HYDIN: variants seen among roughly 807,000 people sequenced by gnomAD.
The protein encoded by HYDIN is HYDIN axonemal central pair apparatus protein, also known as axonemal central pair apparatus protein HYDIN.
In HYDIN, 132 loss-of-function variants were observed where a neutral mutation model predicts 403.9. The ratio of observed to expected loss-of-function variants is 0.33; its 90% confidence interval spans 0.28 to 0.38. The LOEUF (loss-of-function observed/expected upper bound fraction) is 0.38. Among genes scored for constraint, HYDIN ranks in the 10% least tolerant of loss-of-function variants. HYDIN has a pLI of 1.00. For synonymous variants in HYDIN, 1,202 were observed against 1,891.7 expected, an observed-to-expected ratio of 0.64 and a Z score of 9.46; for missense variants, 2,827 against 5,009.5, an observed-to-expected ratio of 0.56 and a Z score of 13.15.
rs1242112999 is a variant in HYDIN at position 70,832,859 on chromosome 16, C to T, written c.13888G>A (p.Ala4630Thr). The T allele has an allele frequency of 3.7e-6, 6 of 1,605,144 alleles. No individual in the cohort carries two copies. In the East Asian group the frequency reaches 1.1e-4, roughly 30 times the overall value. The change falls in exon 80 of 86, where the codon GCG becomes ACG. Residue 4630 changes from alanine (A) to threonine (T), a missense_variant. Ala to Thr is a moderately conservative substitution (Grantham distance 58). Coordinates refer to ENST00000393567, the MANE Select transcript of HYDIN (RefSeq NM_001270974.2). ...TLSGVCVGPPAVKEVVNFTCQ... is the reference protein window; with the variant it reads ...TLSGVCVGPPTVKEVVNFTCQ... ...CAGCAGCTACTAACCTCTTTTACCG[C>T]AGGTGGTCCCACGCAGACTCCAGAC...
At chr16:70,909,968 A>G (rs1366550981) in intron 47 of HYDIN, among the ~76,000 whole-genome samples, 3 of 151,282 alleles carry the variant, frequency 2.0e-5, no homozygotes, top group Non-Finnish European at 4.4e-5. Flanking sequence ...CTGGGATTAC[A>G]GGCGTGAGCC....
At chr16:71,141,204 T>C (rs2085155094) in intron 7 of HYDIN, among the ~76,000 whole-genome samples, 1 of 145,928 alleles carries the variant, frequency 6.9e-6, no homozygotes, top group East Asian at 2.0e-4. Flanking sequence ...TAGTATATTA[T>C]AAAGGCAGTA....
At chr16:70,923,467 T>C (rs1597332009) in intron 45 of HYDIN, among the ~76,000 whole-genome samples, 4 of 46,974 alleles carry the variant, frequency 8.5e-5, no homozygotes, top group East Asian at 4.2e-4. Context: ...AAACTCCATC[T>C]CCAAAAAAAA....
At chr16:70,920,479 G>A (rs1264902996) in intron 46 of HYDIN, 112 bp downstream of exon 46, 3 of 676,364 alleles carry the variant, frequency 4.4e-6, no homozygotes, top group South Asian at 2.0e-5. Flanking sequence ...CATTAGAGAT[G>A]CATGCAGTTG....
rs888513774 is a variant in HYDIN, at chr16:71,163,415, G to A, written c.517-685C>T. ...TGGGATTACAGGCGTGAGCCACCGC[G>A]CCCGGCCGATGTTTCTAACTAATGG... On this transcript the variant is annotated intron_variant, in intron 5 of 85. Coordinates refer to ENST00000393567, the MANE Select transcript of HYDIN (RefSeq NM_001270974.2). 9.9e-5 allele frequency among the ~76,000 whole-genome samples: 15 copies of A among 152,236 alleles called. No individual in the cohort carries two copies. The East Asian group carries it at 1.5e-3, about 16-fold the overall frequency.
At chr16:71,037,788 C>A (rs2144181994) in intron 18 of HYDIN, among the ~76,000 whole-genome samples, 1 of 152,294 alleles carries the variant, frequency 6.6e-6, no homozygotes, top group African/African-American at 2.4e-5. Flanking sequence ...TTTCCCTCAC[C>A]AAGACTCCCG....
intron 73 of HYDIN, among the ~76,000 whole-genome samples, chr16:70,853,429 T>G (rs1447570278): frequency 6.7e-6 from 1 of 149,698 alleles, no homozygotes; most frequent in Non-Finnish European, 1.5e-5. Flanking sequence ...AGTAGCTTTA[T>G]TCATAACAGC....
intron 23 of HYDIN, among the ~76,000 whole-genome samples, chr16:71,012,249 G>C (rs1266926142): frequency 6.6e-6 from 1 of 152,284 alleles, no homozygotes; most frequent in East Asian, 1.9e-4. Flanking sequence ...TAAAAGGGTG[G>C]CTCCTGCAGC....
intron 41 of HYDIN, among the ~76,000 whole-genome samples, chr16:70,947,672 A>G (rs975282268): frequency 1.6e-4 from 25 of 152,192 alleles, no homozygotes; most frequent in Non-Finnish European, 3.2e-4. Flanking sequence ...ACAGACAAAC[A>G]GAGAGCCAAA....
intron 7 of HYDIN, among the ~76,000 whole-genome samples, chr16:71,148,626 T>C (rs1159365413): frequency 1.3e-5 from 2 of 151,784 alleles, no homozygotes; most frequent in Non-Finnish European, 1.5e-5. Context: ...AAAATTAAAA[T>C]AGATAAACTG....
intron 42 of HYDIN, among the ~76,000 whole-genome samples, chr16:70,943,547 TAAC>T (rs2077746979): frequency 6.6e-6 from 1 of 152,210 alleles, no homozygotes; most frequent in African/African-American, 2.4e-5. Flanking sequence ...TTGTAATTTT[TAAC>T]AACATCACTC....
At chr16:71,185,747 G>A (rs552555483) in intron 2 of HYDIN, among the ~76,000 whole-genome samples, 2 of 152,152 alleles carry the variant, frequency 1.3e-5, no homozygotes, top group Admixed American at 1.3e-4. Context: ...GTTCTAGAAT[G>A]TTCCTACTAT....
At chr16:71,223,213 T>C (rs1160352558) in intron 1 of HYDIN, among the ~76,000 whole-genome samples, 1 of 151,788 alleles carries the variant, frequency 6.6e-6, no homozygotes, top group Non-Finnish European at 1.5e-5. Flanking sequence ...TATAAAGACA[T>C]AAATTGGAGA....
Position 71,187,032 on chromosome 16 carries a change from G to A in HYDIN, c.-23-114C>T, listed in dbSNP as rs200036654. 351 of 619,946 alleles carry A rather than the reference G, an allele frequency of 5.7e-4. 3 individuals are homozygous for A. The highest frequency in any genetic ancestry group is 4.3e-3 in the Middle Eastern group (14 of 3,286). The allele number at this position is 619,946 out of a possible 1,614,324, so 38.4% of individuals were successfully genotyped here. The stretch of plus-strand genomic sequence containing the variant: ...AAGGTTTAGAAAATACTGATCTTCC[G>A]AAATCCAAATGCTTGGAACAAATAT... On this transcript the variant is annotated intron_variant, in intron 1 of 85. Coordinates refer to ENST00000393567, the MANE Select transcript of HYDIN (RefSeq NM_001270974.2).
At chr16:70,947,372 G>T (rs2077904567) in intron 41 of HYDIN, among the ~76,000 whole-genome samples, 1 of 151,958 alleles carries the variant, frequency 6.6e-6, no homozygotes, top group African/African-American at 2.4e-5. Flanking sequence ...AACCAGCCTT[G>T]CATCCCAGGG....
At position 70,943,896 on chromosome 16, in the gene HYDIN, A is replaced by G; in HGVS notation, c.6585T>C (p.Ser2195=). The G allele has an allele frequency of 6.2e-7, 1 of 1,613,688 alleles. No individual in the cohort carries two copies. Among genetic ancestry groups the G allele is most frequent in the Non-Finnish European group, 8.5e-7 (1 of 1,179,986 alleles). ...GCCCGGTCTCGCCTCCGACACTGGGACTAACACTGAGCCAGCGGTGGATGG... is the reference window on the plus strand; with the variant it reads ...GCCCGGTCTCGCCTCCGACACTGGGGCTAACACTGAGCCAGCGGTGGATGG... ...PGPIHRWLSV[S]PSVGGETGLM... The change falls in exon 42 of 86, where the codon AGT becomes AGC. Residue 2195 remains serine, a synonymous_variant. Transcript: ENST00000393567.
In HYDIN at chr16:70,985,089, G is replaced by GA. The variant is rs944562123; in HGVS notation, c.4332+95dup. On this transcript the variant is annotated intron_variant, in intron 28 of 85. Coordinates refer to ENST00000393567, the MANE Select transcript of HYDIN (RefSeq NM_001270974.2). The stretch of plus-strand genomic sequence containing the variant: ...GAGAGTTCTTTAGTTTTAACAAAAA[G>GA]AAAAAATCACACTTGTAATCCTGGT... 2.3e-5 allele frequency: 23 copies of GA among 985,684 alleles called. No individual in the cohort carries two copies. In the East Asian group the frequency reaches 3.2e-4, roughly 14 times the overall value. 61.1% of individuals were successfully genotyped at this position (985,684 alleles called of 1,614,324 possible).
At chr16:71,007,575 T>C (rs1227261660) in intron 23 of HYDIN, among the ~76,000 whole-genome samples, 4 of 150,644 alleles carry the variant, frequency 2.7e-5, no homozygotes, top group Admixed American at 1.3e-4. Context: ...TTGTCACTAA[T>C]AATCAGAGAA....
At chr16:71,178,202 C>T (rs2086749971) in intron 4 of HYDIN, among the ~76,000 whole-genome samples, 1 of 152,034 alleles carries the variant, frequency 6.6e-6, no homozygotes, top group African/African-American at 2.4e-5. Flanking sequence ...GGTGGATCAC[C>T]TGAGTTCAGG....
Sources: gnomAD v4.1 joint callset for allele counts (sites outside exome capture counted in the v4.1 genomes callset) on GRCh38, gnomAD v4.1.1 for gene constraint, MANE v1.5 for transcripts, NCBI Gene and HGNC (gene_info 2026-07-23, HGNC 2026-07-21) for gene names.